DESI2: variants seen among roughly 807,000 people sequenced by gnomAD.
DESI2 encodes the protein deubiquitinase DESI2.
In DESI2, 10 loss-of-function variants were observed where a neutral mutation model predicts 24.1. That is an observed-to-expected ratio of 0.41 (90% CI 0.26 to 0.70). The LOEUF (loss-of-function observed/expected upper bound fraction) is 0.70. DESI2 is among the 30% of genes least tolerant of loss of function. The pLI, the probability that DESI2 is intolerant of heterozygous loss-of-function variation, is 0.29. For synonymous variants in DESI2, 71 were observed against 87.7 expected, an observed-to-expected ratio of 0.81 and a Z score of 1.06; for missense variants, 122 against 234.9, an observed-to-expected ratio of 0.52 and a Z score of 3.14.
chr1:244,663,775 T>A (rs1675937290), intron 1 of DESI2, among the ~76,000 whole-genome samples: 1 of 151,772 alleles, frequency 6.6e-6, no homozygotes, highest in Non-Finnish European at 1.5e-5. Flanking sequence ...TCCCAGCACT[T>A]TGGGAGGCCA....
chr1:244,704,744 C>T (rs538693813), intron 4 of DESI2, among the ~76,000 whole-genome samples: 32 of 152,122 alleles, frequency 2.1e-4, no homozygotes, highest in Non-Finnish European at 4.1e-4. Context: ...CTGCAACCTC[C>T]GCCTCCCGGG....
chr1:244,656,351 A>G (rs865955751), intron 1 of DESI2: 2 of 152,218 alleles, frequency 1.3e-5, no homozygotes, highest in Admixed American at 1.3e-4. Context: ...ATGCATGAAA[A>G]TAATTCTATT....
chr1:244,685,900 T>A (rs1298757113), intron 1 of DESI2, among the ~76,000 whole-genome samples: 1 of 152,216 alleles, frequency 6.6e-6, no homozygotes, highest in African/African-American at 2.4e-5. Context: ...TCATATAACC[T>A]ATGTACATCC....
At chr1:244,683,082 G>A (rs1467819477) in intron 1 of DESI2, among the ~76,000 whole-genome samples, 3 of 152,074 alleles carry the variant, frequency 2.0e-5, no homozygotes, top group Non-Finnish European at 4.4e-5. Flanking sequence ...GGGATCCAGG[G>A]GGGTTCTGGC....
intron 1 of DESI2, among the ~76,000 whole-genome samples, chr1:244,673,989 CTTTTTTTTTT>C (rs143887006): frequency 2.7e-5 from 2 of 73,206 alleles, no homozygotes; most frequent in African/African-American, 5.2e-5. Flanking sequence ...ACTTCTGTCT[CTTTTTTTTTT>C]TTTTTTTTTT....
chr1:244,679,821 T>G (rs1676541215), intron 1 of DESI2, among the ~76,000 whole-genome samples: 1 of 136,850 alleles, frequency 7.3e-6, no homozygotes, highest in East Asian at 2.2e-4. Context: ...GAGCCCAGAT[T>G]GCGCCACTGC....
intron 4 of DESI2, among the ~76,000 whole-genome samples, chr1:244,702,463 C>T (rs1404910116): frequency 1.3e-5 from 2 of 152,092 alleles, no homozygotes; most frequent in Non-Finnish European, 2.9e-5. Flanking sequence ...GCAGCGAGCC[C>T]AGATTGTGCC....
In DESI2 at chr1:244,689,201, T is replaced by G; in HGVS notation, c.116-48T>G. On this transcript the variant is annotated intron_variant, in intron 2 of 4. Transcript: ENST00000302550. The surrounding 1 kb of genome is among the most constrained non-coding windows in gnomAD (Gnocchi z 4.0). ...ATTAAAGCTAATTCAGCATTCTGGTTAAATTTTATGTGATACATACTAAAA... is the reference window on the plus strand; with the variant it reads ...ATTAAAGCTAATTCAGCATTCTGGTGAAATTTTATGTGATACATACTAAAA... The G allele has an allele frequency of 1.1e-6, 1 of 935,882 alleles. No homozygotes were observed. Among genetic ancestry groups the G allele is most frequent in the South Asian group, 1.4e-5 (1 of 72,136 alleles). The allele number at this position is 935,882 out of a possible 1,614,324, so 58.0% of individuals were successfully genotyped here.
chr1:244,667,936 C>T (rs778070074), intron 1 of DESI2, among the ~76,000 whole-genome samples: 1 of 152,212 alleles, frequency 6.6e-6, no homozygotes, highest in Non-Finnish European at 1.5e-5. Context: ...CTTGGCTGAA[C>T]ATCCCTGACA....
intron 1 of DESI2, among the ~76,000 whole-genome samples, chr1:244,685,317 T>G (rs941722323): frequency 6.6e-6 from 1 of 152,180 alleles, no homozygotes; most frequent in Admixed American, 6.5e-5. Context: ...TACATGAAAT[T>G]TATGCATAAT....
intron 1 of DESI2, among the ~76,000 whole-genome samples, chr1:244,680,153 C>T (rs904299690): frequency 1.3e-5 from 2 of 151,278 alleles, no homozygotes; most frequent in Non-Finnish European, 2.9e-5. Context: ...TTTTTAAAAA[C>T]CAAGCCATCC....
At chr1:244,685,787 T>A (rs1443413429) in intron 1 of DESI2, among the ~76,000 whole-genome samples, 1 of 152,196 alleles carries the variant, frequency 6.6e-6, no homozygotes. Context: ...GTTACCTAAG[T>A]GTTTTGTTTA....
At chr1:244,655,022 A>G (rs1218407657) in intron 1 of DESI2, among the ~76,000 whole-genome samples, 1 of 152,336 alleles carries the variant, frequency 6.6e-6, no homozygotes, top group East Asian at 1.9e-4. Flanking sequence ...ACGAAAATGC[A>G]TGTTTTGGCA....
intron 1 of DESI2, among the ~76,000 whole-genome samples, chr1:244,676,517 C>CA (rs1676421261): frequency 6.6e-6 from 1 of 151,894 alleles, no homozygotes; most frequent in South Asian, 2.1e-4. Flanking sequence ...AATTTTACTT[C>CA]TTTTTTTCCA....
At chr1:244,684,961 T>TA (rs1246663137) in intron 1 of DESI2, among the ~76,000 whole-genome samples, 3 of 152,156 alleles carry the variant, frequency 2.0e-5, no homozygotes, top group East Asian at 3.8e-4. Flanking sequence ...TTGATTCACA[T>TA]AAAAAAATGT....
chr1:244,680,803 C>T (rs1676583725), intron 1 of DESI2, among the ~76,000 whole-genome samples: 1 of 152,132 alleles, frequency 6.6e-6, no homozygotes, highest in African/African-American at 2.4e-5. Flanking sequence ...CATTCTTAAA[C>T]AGCCTTTCTT....
chr1:244,705,677 G>C lies in DESI2; in HGVS notation c.473G>C (p.Ser158Thr). ...EWLTPAALQS[S>T]VSQELQDELE... ...CTCACGCCCGCAGCCCTGCAGTCTA[G>C]TGTCAGCCAAGAACTCCAGGATGAA... Residue 158 changes from serine to threonine, a missense_variant, in exon 5 of 5, where the codon AGT (serine) becomes ACT (threonine). By Grantham distance (58) the Ser-to-Thr change is moderately conservative. This residue lies in a region of DESI2 where 56 missense variants were observed against 67.9 expected (regional missense o/e 0.82). Coordinates refer to ENST00000302550, the MANE Select transcript of DESI2 (RefSeq NM_016076.5). The C allele has an allele frequency of 6.2e-7, 1 of 1,614,154 alleles. No individual in the cohort carries two copies. The highest frequency in any genetic ancestry group is 8.5e-7 in the Non-Finnish European group (1 of 1,180,034).
At chr1:244,670,057 A>G (rs1676195531) in intron 1 of DESI2, among the ~76,000 whole-genome samples, 2 of 152,052 alleles carry the variant, frequency 1.3e-5, no homozygotes, top group African/African-American at 2.4e-5. Flanking sequence ...CCTGGGTTCA[A>G]GTGATTCTCC....
chr1:244,682,413 T>C lies in DESI2; in HGVS notation c.43-4184T>C, dbSNP rs572666480. Among the ~76,000 whole-genome samples, 49 of 152,344 alleles carry C rather than the reference T, an allele frequency of 3.2e-4. 1 individual carries two copies. The South Asian group carries it at 9.9e-3, about 31-fold the overall frequency. On this transcript the variant is annotated intron_variant, in intron 1 of 4. Transcript: ENST00000302550. ...GCTGGCTTCACTTCTCACTTCTTTT[T>C]CTATTTCAAAGTTTAACTTTGTGAA...
Sources: gnomAD v4.1 joint callset for allele counts (sites outside exome capture counted in the v4.1 genomes callset) on GRCh38, gnomAD v4.1.1 for gene constraint, gnomAD v4.1.1 regional missense constraint, Gnocchi (gnomAD v3.1) non-coding constraint, MANE v1.5 for transcripts, NCBI Gene and HGNC (gene_info 2026-07-23, HGNC 2026-07-21) for gene names.